Variants in MGST1 observed in about 807,000 individuals in gnomAD.
The protein encoded by MGST1 is microsomal glutathione S-transferase 1, also known as glutathione S-transferase 12.
In MGST1, 5 loss-of-function variants were observed where a neutral mutation model predicts 8.9. That is an observed-to-expected ratio of 0.56 (90% confidence interval 0.29 to 1.19). MGST1 has a LOEUF of 1.19. Ranked by LOEUF, MGST1 falls within the 50% of genes most tolerant of loss-of-function variation. The pLI is 0.08. For missense variants in MGST1, 182 were observed against 187.4 expected (o/e 0.97, Z 0.17); for synonymous variants, 54 against 67.8 (o/e 0.80, Z 1.00).
At chr12:16,409,493 A>T (rs1310673821) in intron 1 of MGST1, among the ~76,000 whole-genome samples, 1 of 152,118 alleles carries the variant, frequency 6.6e-6, no homozygotes, top group East Asian at 1.9e-4. Flanking sequence ...AGGATCGCTG[A>T]AATTATGAGA....
At chr12:16,512,171 T>C (rs1037904357) in intron 4 of MGST1, among the ~76,000 whole-genome samples, 1 of 152,092 alleles carries the variant, frequency 6.6e-6, no homozygotes, top group Non-Finnish European at 1.5e-5. Flanking sequence ...ATTTATCCCC[T>C]GCTGCCATAA....
chr12:16,565,982 CCATATATATATATATA>C (rs1591785447), intron 4 of MGST1, among the ~76,000 whole-genome samples: 1 of 44,320 alleles, frequency 2.3e-5, no homozygotes, highest in East Asian at 9.7e-4. Context: ...AGAAAATGTG[CCATATATATATATATA>C]TATATATATA....
At chr12:16,398,073 C>T (rs1276333658) in intron 1 of MGST1, among the ~76,000 whole-genome samples, 2 of 142,892 alleles carry the variant, frequency 1.4e-5, no homozygotes, top group African/African-American at 5.2e-5. Flanking sequence ...GTTTTTTTTC[C>T]ATTCTTGGTT....
chr12:16,552,559 T>C (rs929548907), intron 4 of MGST1, among the ~76,000 whole-genome samples: 1 of 152,116 alleles, frequency 6.6e-6, no homozygotes, highest in Non-Finnish European at 1.5e-5. Context: ...TTTATCCTTA[T>C]ACTAGCTAAG....
chr12:16,403,629 A>G (rs1214952899), intron 1 of MGST1, among the ~76,000 whole-genome samples: 2 of 152,040 alleles, frequency 1.3e-5, no homozygotes, highest in Non-Finnish European at 2.9e-5. Context: ...CTCTTTTCAT[A>G]CTGCTATAAA....
intron 4 of MGST1, among the ~76,000 whole-genome samples, chr12:16,554,763 T>G (rs1427625600): frequency 6.6e-6 from 1 of 152,156 alleles, no homozygotes; most frequent in South Asian, 2.1e-4. Flanking sequence ...TTCCCGCCAT[T>G]CTCCTGCCTC....
chr12:16,347,398 A>G (rs1017178776), upstream of MGST1, among the ~76,000 whole-genome samples: 1 of 152,210 alleles, frequency 6.6e-6, no homozygotes, highest in Non-Finnish European at 1.5e-5. This position sits in a 1 kb window ranked among gnomAD's most constrained non-coding sequence, Gnocchi z 4.0. Flanking sequence ...CAGAGTTCCT[A>G]GACAATGGCT....
At position 16,513,575 on chromosome 12, in the gene MGST1, T is replaced by C; in HGVS notation, n.483-75953T>C. ...GACACCAATAGCAAAAAGATGAATC[T>C]GGGAGTTAGTGCCTACAGGGACCAC... On this transcript the variant is annotated intron_variant and non_coding_transcript_variant, in intron 4 of 4. Coordinates refer to the MGST1 transcript ENST00000538857. The surrounding 1 kb of genome is among the most constrained non-coding windows in gnomAD (Gnocchi z 4.2). 1 of 492,374 alleles carries C rather than the reference T, an allele frequency of 2.0e-6. No individual in the cohort carries two copies. Among genetic ancestry groups the C allele is most frequent in the South Asian group, 1.5e-5 (1 of 65,730 alleles). 30.5% of individuals were successfully genotyped at this position (492,374 alleles called of 1,614,324 possible).
At chr12:16,524,041 T>C (rs1376813018) in intron 4 of MGST1, among the ~76,000 whole-genome samples, 1 of 152,142 alleles carries the variant, frequency 6.6e-6, no homozygotes, top group Non-Finnish European at 1.5e-5. Context: ...ATACATTTGC[T>C]TTGTAAACAT....
intron 4 of MGST1, among the ~76,000 whole-genome samples, chr12:16,539,219 T>A (rs935188314): frequency 6.6e-6 from 1 of 152,204 alleles, no homozygotes; most frequent in African/African-American, 2.4e-5. Flanking sequence ...AATTTCTTAA[T>A]CTTTGTTTCC....
intron 1 of MGST1, among the ~76,000 whole-genome samples, chr12:16,408,267 T>G (rs1229436672): frequency 1.3e-5 from 2 of 151,954 alleles, no homozygotes; most frequent in Non-Finnish European, 2.9e-5. Context: ...ATAATAACTT[T>G]TGGGTATTAG....
intron 4 of MGST1, among the ~76,000 whole-genome samples, chr12:16,472,561 G>T (rs144056358): frequency 1.3e-5 from 2 of 151,970 alleles, no homozygotes; most frequent in Admixed American, 1.3e-4. Context: ...GGTATCACAT[G>T]ACATTTCCAG....
chr12:16,479,160 C>T (rs1941346533), intron 4 of MGST1, among the ~76,000 whole-genome samples: 1 of 149,858 alleles, frequency 6.7e-6, no homozygotes, highest in Admixed American at 6.7e-5. Context: ...TGTTTCTGTG[C>T]TTCATCCCTT....
Position 16,585,324 on chromosome 12 carries a change from C to T in MGST1, n.483-4204C>T, listed in dbSNP as rs113221798. Among the ~76,000 whole-genome samples, 2,074 of 152,190 alleles carry T rather than the reference C, an allele frequency of 0.014. 65 individuals are homozygous for T. Among genetic ancestry groups the T allele is most frequent in the African/African-American group, 0.048 (1,994 of 41,516 alleles). Reference sequence around the variant, plus strand: ...TTACTGCTTCAAGAAAAAGGATTTGCATATTTGTGTATATATTTTTAAAAA... The same window carrying T: ...TTACTGCTTCAAGAAAAAGGATTTGTATATTTGTGTATATATTTTTAAAAA... On this transcript the variant is annotated intron_variant and non_coding_transcript_variant, in intron 4 of 4. Coordinates refer to the MGST1 transcript ENST00000538857. The surrounding 1 kb of genome is among the most constrained non-coding windows in gnomAD (Gnocchi z 4.7).
At chr12:16,376,300 G>T in exon 4 of MGST1, 1 of 475,684 alleles carries the variant, frequency 2.1e-6, no homozygotes, top group Non-Finnish European at 3.7e-6. Context: ...ATTATCCACG[G>T]CTGTTAACAA....
At chr12:16,466,721 A>T (rs1443814316) in intron 4 of MGST1, among the ~76,000 whole-genome samples, 4 of 152,236 alleles carry the variant, frequency 2.6e-5, no homozygotes, top group African/African-American at 9.6e-5. Flanking sequence ...ATAGAAACCA[A>T]TAGCAAAAGT....
intron 4 of MGST1, among the ~76,000 whole-genome samples, chr12:16,471,951 G>A (rs931112097): frequency 3.3e-5 from 5 of 151,640 alleles, no homozygotes; most frequent in Non-Finnish European, 7.4e-5. Context: ...AGACACCAAT[G>A]TATGCACACA....
At chr12:16,526,547 T>C (rs1232774566) in intron 4 of MGST1, among the ~76,000 whole-genome samples, 1 of 152,026 alleles carries the variant, frequency 6.6e-6, no homozygotes. Flanking sequence ...ATAAAATTCC[T>C]ATAAACGTGT....
intron 4 of MGST1, among the ~76,000 whole-genome samples, chr12:16,515,632 G>A (rs1411326829): frequency 1.1e-4 from 14 of 128,998 alleles, no homozygotes; most frequent in African/African-American, 1.2e-4. Context: ...CTCTATCTCA[G>A]AAAAAAAAAA....
Sources: allele counts gnomAD v4.1 joint callset (sites outside exome capture counted in the v4.1 genomes callset), GRCh38; gene constraint gnomAD v4.1.1; non-coding constraint Gnocchi (gnomAD v3.1); transcripts MANE v1.5; gene names NCBI Gene and HGNC (gene_info 2026-07-23, HGNC 2026-07-21).